The following TAB2 variants were observed in gnomAD, a reference collection of about 807,000 sequenced individuals.
The protein encoded by TAB2 is TGF-beta activated kinase 1 (MAP3K7) binding protein 2, also known as TGF-beta-activated kinase 1 and MAP3K7-binding protein 2.
A neutral mutation model predicts 65.0 loss-of-function variants in TAB2; 3 were observed. That is an observed-to-expected ratio of 0.05 (90% confidence interval 0.02 to 0.12). The LOEUF is 0.12. TAB2 is among the 10% of genes least tolerant of loss of function. The pLI is 1.00. For synonymous variants in TAB2, 298 were observed against 285.1 expected, an observed-to-expected ratio of 1.05 and a Z score of -0.46; for missense variants, 623 against 840.3, an observed-to-expected ratio of 0.74 and a Z score of 3.20.
At chr6:149,358,435 A>G (rs1405428511) in intron 1 of TAB2, among the ~76,000 whole-genome samples, 8 of 152,264 alleles carry the variant, frequency 5.3e-5, no homozygotes, top group Non-Finnish European at 8.8e-5. Context: ...TCATATCTTC[A>G]GATTAGGGAT....
chr6:149,313,377 C>G (rs1779197933), upstream of TAB2, among the ~76,000 whole-genome samples: 2 of 152,102 alleles, frequency 1.3e-5, no homozygotes, highest in Non-Finnish European at 2.9e-5. Context: ...GATTTCTGTA[C>G]AATACATGGC....
intron 1 of TAB2, among the ~76,000 whole-genome samples, chr6:149,339,593 A>ATTTTTTTTTTT (rs1562422713): frequency 1.3e-4 from 2 of 15,470 alleles, no homozygotes; most frequent in African/African-American, 1.7e-4. Flanking sequence ...TTTTTTATTT[A>ATTTTTTTTTTT]TTTATTTATT....
rs189837231 is a variant in TAB2 at position 149,364,520 on chromosome 6, T to C, written c.-89-5389T>C. On this transcript the variant is annotated intron_variant, in intron 1 of 6. Transcript: ENST00000637181. ...AATAATGAGCAAGTTAAAATAGTTA[T>C]CTAAATTATAAACGTGTATTTATGT... Among the ~76,000 whole-genome samples the C allele has an allele frequency of 2.2e-4, 33 of 152,110 alleles. No homozygotes were observed. The East Asian group carries it at 5.4e-3, about 25-fold the overall frequency.
chr6:149,397,199 T>C (rs1562452178), intron 3 of TAB2, among the ~76,000 whole-genome samples: 1 of 152,224 alleles, frequency 6.6e-6, no homozygotes, highest in Admixed American at 6.5e-5. Flanking sequence ...CCCAGCACTT[T>C]GGTAGGCCAA....
chr6:149,335,162 C>G (rs1779895493), intron 1 of TAB2, among the ~76,000 whole-genome samples: 1 of 151,908 alleles, frequency 6.6e-6, no homozygotes, highest in African/African-American at 2.4e-5. Context: ...CATTTCCTAC[C>G]CACATTCTCA....
At chr6:149,302,920 C>T (rs997978736) in intron 1 of TAB2, among the ~76,000 whole-genome samples, 3 of 152,248 alleles carry the variant, frequency 2.0e-5, no homozygotes, top group Non-Finnish European at 4.4e-5. Flanking sequence ...TATTTACAGC[C>T]ATTCTCCATT....
At chr6:149,294,933 T>G in intron 1 of TAB2, among the ~76,000 whole-genome samples, 1 of 152,210 alleles carries the variant, frequency 6.6e-6, no homozygotes, top group East Asian at 1.9e-4. Context: ...ATAAGGCTGT[T>G]AAAACACTTT....
intron 1 of TAB2, among the ~76,000 whole-genome samples, chr6:149,349,620 A>G (rs1042130207): frequency 6.6e-6 from 1 of 152,176 alleles, no homozygotes; most frequent in Non-Finnish European, 1.5e-5. Context: ...TGTTTCTTAC[A>G]AATGAAATTA....
At chr6:149,400,371 G>T (rs766455437) in intron 6 of TAB2, 4 of 1,611,704 alleles carry the variant, frequency 2.5e-6, no homozygotes, top group East Asian at 4.5e-5. Flanking sequence ...AGCAGCAGCT[G>T]AGGAGACTCC....
chr6:149,381,765 G>A (rs1781618671), intron 3 of TAB2, among the ~76,000 whole-genome samples: 1 of 151,340 alleles, frequency 6.6e-6, no homozygotes, highest in South Asian at 2.1e-4. Context: ...TGCAGACAGG[G>A]TCTCCCTATG....
chr6:149,319,261 C>T (rs1271070857), intron 1 of TAB2, among the ~76,000 whole-genome samples: 1 of 152,228 alleles, frequency 6.6e-6, no homozygotes, highest in East Asian at 1.9e-4. Context: ...AGTTTTTTCA[C>T]TTCTGCTTAC....
At chr6:149,268,888 A>C (rs1778311723) in intron 1 of TAB2, among the ~76,000 whole-genome samples, 1 of 152,200 alleles carries the variant, frequency 6.6e-6, no homozygotes, top group African/African-American at 2.4e-5. Context: ...TAGCTACAGA[A>C]TGAGTCGATC....
rs184129538 is a variant in TAB2, at chr6:149,366,722, G to A, written c.-89-3187G>A. The stretch of plus-strand genomic sequence containing the variant: ...TCATGAAAGATTTGGTCTGGTAGGC[G>A]TTACTCAGCCATCACAGGAAGTAGA... On this transcript the variant is annotated intron_variant, in intron 1 of 6. Coordinates refer to ENST00000637181, the MANE Select transcript of TAB2 (RefSeq NM_001292034.3). Among the ~76,000 whole-genome samples, 516 of 152,120 alleles carry A rather than the reference G, an allele frequency of 3.4e-3. 2 individuals are homozygous for A. The highest frequency in any genetic ancestry group is 0.012 in the African/African-American group (487 of 41,520).
At chr6:149,384,846 G>A (rs1781737126) in intron 3 of TAB2, among the ~76,000 whole-genome samples, 1 of 151,914 alleles carries the variant, frequency 6.6e-6, no homozygotes, top group Non-Finnish European at 1.5e-5. Flanking sequence ...TTCTTATTTT[G>A]TTACAGAAGC....
chr6:149,365,326 A>G (rs997045001), intron 1 of TAB2, among the ~76,000 whole-genome samples: 1 of 152,206 alleles, frequency 6.6e-6, no homozygotes, highest in African/African-American at 2.4e-5. Flanking sequence ...TGTCCTTACA[A>G]ATGACTTACT....
intron 1 of TAB2, among the ~76,000 whole-genome samples, chr6:149,369,666 T>C (rs1248252571): frequency 6.6e-6 from 1 of 152,224 alleles, no homozygotes. Flanking sequence ...ACTTGAATGC[T>C]TTTTGGCTCA....
At chr6:149,350,617 C>CTT (rs150204735) in intron 1 of TAB2, among the ~76,000 whole-genome samples, 5,726 of 92,382 alleles carry the variant, frequency 0.062, 239 homozygotes, top group Non-Finnish European at 0.078. Flanking sequence ...TATTTTATGT[C>CTT]TTTTTTTTTT....
At chr6:149,297,200 T>C (rs576017678) in intron 1 of TAB2, among the ~76,000 whole-genome samples, 2 of 152,232 alleles carry the variant, frequency 1.3e-5, no homozygotes, top group South Asian at 4.1e-4. Flanking sequence ...TCACATATCT[T>C]CTAAAAACAA....
chr6:149,349,260 A>T (rs1780408706), intron 1 of TAB2, among the ~76,000 whole-genome samples: 1 of 151,788 alleles, frequency 6.6e-6, no homozygotes, highest in Admixed American at 6.6e-5. Flanking sequence ...CTCTACTAAA[A>T]ATACAAAAAC....
Sources: gnomAD v4.1 joint callset for allele counts (sites outside exome capture counted in the v4.1 genomes callset) on GRCh38, gnomAD v4.1.1 for gene constraint, MANE v1.5 for transcripts, NCBI Gene and HGNC (gene_info 2026-07-23, HGNC 2026-07-21) for gene names.